The following RHBDD1 variants were observed in gnomAD, a reference collection of about 807,000 sequenced individuals.
The protein encoded by RHBDD1 is rhomboid domain containing 1.
RHBDD1 carries 38 observed loss-of-function variants against 36.3 expected under a neutral mutation model. The observed-to-expected ratio is 1.05, with a 90% CI of 0.81 to 1.37. The LOEUF (loss-of-function observed/expected upper bound fraction) is 1.37, where lower values mean the gene tolerates loss of function less well. RHBDD1 is among the 40% of genes most tolerant of loss of function. RHBDD1 has a pLI of 0.00. For missense variants in RHBDD1, 393 were observed against 377.6 expected, an observed-to-expected ratio of 1.04 and a Z score of -0.34; for synonymous variants, 151 against 136.5, an observed-to-expected ratio of 1.11 and a Z score of -0.74.
chr2:226,966,342 C>T (rs972037912), intron 8 of RHBDD1, among the ~76,000 whole-genome samples: 2 of 152,140 alleles, frequency 1.3e-5, no homozygotes, highest in Non-Finnish European at 2.9e-5. Flanking sequence ...TGGTACCTAA[C>T]TATATAGAAG....
At chr2:226,904,542 G>C (rs1181956950) in intron 5 of RHBDD1, among the ~76,000 whole-genome samples, 2 of 152,126 alleles carry the variant, frequency 1.3e-5, no homozygotes, top group African/African-American at 4.8e-5. Flanking sequence ...GCGCATGCAT[G>C]TGCCATGACT....
chr2:226,963,560 C>A (rs1575273700), intron 8 of RHBDD1, among the ~76,000 whole-genome samples: 1 of 152,114 alleles, frequency 6.6e-6, no homozygotes, highest in African/African-American at 2.4e-5. Context: ...CTTTCCAGTT[C>A]ATTGATTCCT....
At chr2:226,933,791 A>G (rs1231677097) in intron 8 of RHBDD1, among the ~76,000 whole-genome samples, 2 of 152,146 alleles carry the variant, frequency 1.3e-5, no homozygotes, top group Admixed American at 6.5e-5. Context: ...AGCTTTCTAC[A>G]TCCCAAGAGG....
rs1373698331 is a variant in RHBDD1, at chr2:226,843,648, A to G, written c.-91+4021A>G. On this transcript the variant is annotated intron_variant, in intron 3 of 8. Coordinates refer to ENST00000392062, the MANE Select transcript of RHBDD1 (RefSeq NM_001167608.3). ...TTGATCGTGGTAGATAAGTTTTTTG[A>G]TGTGCTGGTGGATGCAGTTTGCCAG... 9.2e-5 allele frequency among the ~76,000 whole-genome samples: 14 copies of G among 152,196 alleles called. No individual in the cohort carries two copies. In the East Asian group the frequency reaches 2.7e-3, roughly 29 times the overall value.
intron 8 of RHBDD1, among the ~76,000 whole-genome samples, chr2:226,949,009 G>A (rs1265607982): frequency 1.3e-5 from 2 of 152,138 alleles, no homozygotes; most frequent in Non-Finnish European, 2.9e-5. Flanking sequence ...GCCAAATCAT[G>A]AGTGAACTCC....
chr2:226,971,003 A>G (rs1225701043), intron 8 of RHBDD1, among the ~76,000 whole-genome samples: 1 of 152,224 alleles, frequency 6.6e-6, no homozygotes, highest in Non-Finnish European at 1.5e-5. Flanking sequence ...CATATATGTG[A>G]GTTGAGTTAT....
intron 8 of RHBDD1, among the ~76,000 whole-genome samples, chr2:226,945,460 T>G (rs1240153367): frequency 6.6e-6 from 1 of 152,180 alleles, no homozygotes; most frequent in East Asian, 1.9e-4. Context: ...GTTTCCAGCT[T>G]CATCCATGTC....
At chr2:226,864,071 T>C (rs956388081) in intron 3 of RHBDD1, among the ~76,000 whole-genome samples, 3 of 152,210 alleles carry the variant, frequency 2.0e-5, no homozygotes, top group African/African-American at 7.2e-5. Flanking sequence ...GAAGTTGTTA[T>C]GAAAGTAGAG....
chr2:226,877,750 C>T lies in RHBDD1; in HGVS notation c.566+10432C>T, dbSNP rs114175305. Among the ~76,000 whole-genome samples, 1,500 of 152,034 alleles carry T rather than the reference C, an allele frequency of 9.9e-3. 23 individuals carry two copies. Among genetic ancestry groups the T allele is most frequent in the African/African-American group, 0.034 (1,413 of 41,456 alleles). On this transcript the variant is annotated intron_variant, in intron 5 of 8. Coordinates refer to ENST00000392062, the MANE Select transcript of RHBDD1 (RefSeq NM_001167608.3). Reference sequence around the variant, plus strand: ...TGTGTGTATTTCACATTTCATCACACGGTGTATTAAAAAGATGTGGACTAA... The same window carrying T: ...TGTGTGTATTTCACATTTCATCACATGGTGTATTAAAAAGATGTGGACTAA...
chr2:226,863,457 C>T (rs764174313), intron 3 of RHBDD1, among the ~76,000 whole-genome samples: 16 of 152,244 alleles, frequency 1.1e-4, no homozygotes, highest in Non-Finnish European at 5.9e-5. Flanking sequence ...TGTTGCATAA[C>T]AAACCACTCC....
chr2:226,874,441 T>C (rs1945044717), intron 5 of RHBDD1, among the ~76,000 whole-genome samples: 1 of 152,148 alleles, frequency 6.6e-6, no homozygotes, highest in Non-Finnish European at 1.5e-5. Context: ...CCTTCTACAG[T>C]TGGTGTTGTC....
At chr2:226,915,495 C>T (rs1948839246) in intron 8 of RHBDD1, among the ~76,000 whole-genome samples, 1 of 152,166 alleles carries the variant, frequency 6.6e-6, no homozygotes, top group Admixed American at 6.5e-5. Context: ...GCATGGGACA[C>T]TGATGTGGTC....
Position 226,998,521 on chromosome 2 carries a change from T to C in RHBDD1, c.*2999T>C, listed in dbSNP as rs2149650987. On this transcript the variant is annotated 3_prime_UTR_variant, in exon 9 of 9. Coordinates refer to ENST00000392062, the MANE Select transcript of RHBDD1 (RefSeq NM_001167608.3). ...AGCATTCAATTAGTCAAAAAATATA[T>C]ATATAACTTCTTCCTTTCCCTTCCC... 1 of 152,320 alleles carries C rather than the reference T, an allele frequency of 6.6e-6. No homozygotes were observed. Among genetic ancestry groups the C allele is most frequent in the African/African-American group, 2.4e-5 (1 of 41,578 alleles). 9.4% of individuals were successfully genotyped at this position (152,320 alleles called of 1,614,324 possible).
At chr2:226,965,473 T>C (rs1482920559) in intron 8 of RHBDD1, among the ~76,000 whole-genome samples, 1 of 152,208 alleles carries the variant, frequency 6.6e-6, no homozygotes, top group Admixed American at 6.5e-5. Context: ...AGGAGTCCAT[T>C]GCAGTAATCC....
At chr2:226,854,244 T>C (rs748440911) in intron 3 of RHBDD1, among the ~76,000 whole-genome samples, 53 of 152,140 alleles carry the variant, frequency 3.5e-4, no homozygotes, top group Non-Finnish European at 1.5e-4. Context: ...TGGTCCTTAT[T>C]ATTATTTAGT....
At chr2:226,919,133 C>T (rs1472974917) in intron 8 of RHBDD1, among the ~76,000 whole-genome samples, 3 of 151,996 alleles carry the variant, frequency 2.0e-5, no homozygotes. Context: ...AATGTCTATT[C>T]AGATCTTTTG....
At chr2:226,934,816 C>T (rs547303206) in intron 8 of RHBDD1, among the ~76,000 whole-genome samples, 3 of 151,736 alleles carry the variant, frequency 2.0e-5, no homozygotes, top group Non-Finnish European at 4.4e-5. Context: ...TTTTTTTTCT[C>T]CCCCAACCCC....
At chr2:226,918,850 A>G (rs1245297174) in intron 8 of RHBDD1, among the ~76,000 whole-genome samples, 1 of 152,078 alleles carries the variant, frequency 6.6e-6, no homozygotes, top group Non-Finnish European at 1.5e-5. Flanking sequence ...TTGCTGGATC[A>G]TATGGTAGCT....
intron 3 of RHBDD1, among the ~76,000 whole-genome samples, chr2:226,849,985 A>G (rs772363871): frequency 6.6e-6 from 1 of 152,214 alleles, no homozygotes; most frequent in Admixed American, 6.5e-5. Flanking sequence ...CACCTCCCAA[A>G]TAAGTGACTT....
Sources: gnomAD v4.1 joint callset for allele counts (sites outside exome capture counted in the v4.1 genomes callset) on GRCh38, gnomAD v4.1.1 for gene constraint, MANE v1.5 for transcripts, NCBI Gene and HGNC (gene_info 2026-07-23, HGNC 2026-07-21) for gene names.